COL19A1: variants seen among roughly 807,000 people sequenced by gnomAD.
COL19A1 encodes the protein collagen alpha-1(XIX) chain.
A neutral mutation model predicts 190.2 loss-of-function variants in COL19A1; 159 were observed. That is an observed-to-expected ratio of 0.84 (90% confidence interval 0.73 to 0.95). COL19A1 has a LOEUF of 0.95. COL19A1 is among the 40% of genes least tolerant of loss of function. The pLI is 0.00. For synonymous variants in COL19A1, 509 were observed against 458.9 expected (o/e 1.11, Z -1.39); for missense variants, 1,418 against 1,431.9 (o/e 0.99, Z 0.16).
At position 70,032,017 on chromosome 6, in the gene COL19A1, T is replaced by C. The variant is rs1779102374; in HGVS notation, c.1081-2228T>C. ...GGGGAATTGCAATAAGGGAGACAGA[T>C]CAGGTTCAACTCTAACTACAACAAG... On this transcript the variant is annotated intron_variant, in intron 12 of 50. Coordinates refer to ENST00000620364, the MANE Select transcript of COL19A1 (RefSeq NM_001858.6). Among the ~76,000 whole-genome samples, 10 of 152,260 alleles carry C rather than the reference T, an allele frequency of 6.6e-5. No individual in the cohort carries two copies. In the South Asian group the frequency reaches 2.1e-3, roughly 32 times the overall value.
At chr6:69,924,139 C>G (rs1365177565) in intron 4 of COL19A1, among the ~76,000 whole-genome samples, 1 of 152,168 alleles carries the variant, frequency 6.6e-6, no homozygotes, top group South Asian at 2.1e-4. Context: ...TTCTAGGGTA[C>G]ATGTGCACAA....
Position 69,927,948 on chromosome 6 carries a change from A to C in COL19A1, c.306A>C (p.Val102=). The C allele has an allele frequency of 6.2e-7, 1 of 1,613,448 alleles. No individual in the cohort carries two copies. Among genetic ancestry groups the C allele is most frequent in the South Asian group, 1.1e-5 (1 of 91,062 alleles). The change falls in exon 5 of 51, where the codon GTA becomes GTC. Residue 102 remains valine (V), a synonymous_variant. Coordinates refer to ENST00000620364, the MANE Select transcript of COL19A1 (RefSeq NM_001858.6). ...AAGGCCTTCCTGAGGAGTACTCAGT[A>C]GCTGCCATGTTTCGAGTACGAAGAA... ...FPKGLPEEYS[V]AAMFRVRRNA... is the part of the protein sequence containing the mutation.
rs142780919 is a variant in COL19A1, at chr6:69,909,355, G to A, written c.266+9017G>A. On this transcript the variant is annotated intron_variant, in intron 4 of 50. Transcript: ENST00000620364. ...GTGTGTGATATCTCTCCTCTTAGGG[G>A]CAAGAAATGAAGACAGACTTAATTA... Among the ~76,000 whole-genome samples, 5 of 152,188 alleles carry A rather than the reference G, an allele frequency of 3.3e-5. No individual in the cohort carries two copies. The East Asian group carries it at 9.6e-4, about 29-fold the overall frequency.
intron 25 of COL19A1, among the ~76,000 whole-genome samples, chr6:70,145,802 C>T: frequency 6.7e-6 from 1 of 148,636 alleles, no homozygotes; most frequent in Non-Finnish European, 1.5e-5. Flanking sequence ...ATCACTGCAG[C>T]CTCCACCTCC....
rs1766396748 is a variant in COL19A1 at position 70,184,700 on chromosome 6, T to C, written c.2776-3T>C. ...GAAATATTAATCCTTTTTTTCTTTA[T>C]AGGGAATAAATGGAAAAGATGGAAT... On this transcript the variant is annotated splice_region_variant and splice_polypyrimidine_tract_variant and intron_variant, in intron 44 of 50. Coordinates refer to ENST00000620364, the MANE Select transcript of COL19A1 (RefSeq NM_001858.6). 3 of 1,591,108 alleles carry C rather than the reference T, an allele frequency of 1.9e-6. No individual in the cohort carries two copies. The highest frequency in any genetic ancestry group is 2.6e-6 in the Non-Finnish European group (3 of 1,163,832).
At chr6:70,201,708 T>A (rs1226636473) in intron 49 of COL19A1, among the ~76,000 whole-genome samples, 2 of 152,176 alleles carry the variant, frequency 1.3e-5, no homozygotes, top group African/African-American at 4.8e-5. Flanking sequence ...TAGCAAAAAA[T>A]AAATAAAAAT....
intron 10 of COL19A1, among the ~76,000 whole-genome samples, chr6:69,961,237 G>C (rs1189752916): frequency 6.6e-6 from 1 of 152,108 alleles, no homozygotes; most frequent in African/African-American, 2.4e-5. Flanking sequence ...CTTTTAAAAA[G>C]ATATGCACTT....
intron 15 of COL19A1, among the ~76,000 whole-genome samples, chr6:70,078,347 A>G (rs2150160557): frequency 6.6e-6 from 1 of 152,346 alleles, no homozygotes; most frequent in Middle Eastern, 3.4e-3. Context: ...TGTATAAGCG[A>G]TTTACAGAAG....
Position 70,199,635 on chromosome 6 carries a change from T to G in COL19A1, c.3122T>G (p.Leu1041Arg), listed in dbSNP as rs1767422951. 1 of 1,604,772 alleles carries G rather than the reference T, an allele frequency of 6.2e-7. No individual in the cohort carries two copies. Among genetic ancestry groups the G allele is most frequent in the Non-Finnish European group, 8.5e-7 (1 of 1,174,428 alleles). The change falls in exon 49 of 51, where the codon CTC becomes CGC. Residue 1041 changes from leucine (L) to arginine (R), a missense_variant. Leu to Arg is a moderately radical substitution (Grantham distance 102, BLOSUM62 -2). Coordinates refer to ENST00000620364, the MANE Select transcript of COL19A1 (RefSeq NM_001858.6). Reference sequence around the variant, plus strand: ...AGGATGGCTGTATTCCTATCCCAGCTCAAGCTGCCAGCAGCAATGTTGGCT... The same window carrying G: ...AGGATGGCTGTATTCCTATCCCAGCGCAAGCTGCCAGCAGCAATGTTGGCT... ...EERMAVFLSQLKLPAAMLAAQ... is the reference protein window; with the variant it reads ...EERMAVFLSQRKLPAAMLAAQ...
Position 70,212,340 on chromosome 6 carries a change from T to C in COL19A1, c.*5066T>C, listed in dbSNP as rs1440317635. ...TTGAATATACTCATGTTAAGTGCAA[T>C]GGCATTAGTTTTATTCAAAATCCCA... On this transcript the variant is annotated 3_prime_UTR_variant, in exon 51 of 51. Coordinates refer to ENST00000620364, the MANE Select transcript of COL19A1 (RefSeq NM_001858.6). Among the ~76,000 whole-genome samples, 1 of 152,224 alleles carries C rather than the reference T, an allele frequency of 6.6e-6. No homozygotes were observed. The highest frequency in any genetic ancestry group is 1.9e-4 in the East Asian group (1 of 5,202).
rs1023631363 is a variant in COL19A1 at position 70,140,855 on chromosome 6, A to G, written c.1447-99A>G. ...GGGTATTTTTGGAGGTCTGTTTGCA[A>G]TGGGAATCTGAGTTTGGCCTATAGG... is the stretch of plus-strand genomic sequence containing the variant. On this transcript the variant is annotated intron_variant, in intron 19 of 50. Transcript: ENST00000620364. 20 of 1,072,246 alleles carry G rather than the reference A, an allele frequency of 1.9e-5. No individual in the cohort carries two copies. The Middle Eastern group carries it at 1.2e-3, about 64-fold the overall frequency. The allele number at this position is 1,072,246 out of a possible 1,614,324, so 66.4% of individuals were successfully genotyped here.
At chr6:70,159,345 G>T (rs1266341988) in intron 34 of COL19A1, among the ~76,000 whole-genome samples, 1 of 151,688 alleles carries the variant, frequency 6.6e-6, no homozygotes, top group Non-Finnish European at 1.5e-5. Context: ...AATGTTAGGG[G>T]AATAAAAAGA....
chr6:69,921,277 C>G (rs1582402413), intron 4 of COL19A1, among the ~76,000 whole-genome samples: 1 of 124,226 alleles, frequency 8.0e-6, no homozygotes, highest in Non-Finnish European at 1.6e-5. Context: ...TCATATATAT[C>G]ATATATCATA....
intron 41 of COL19A1, among the ~76,000 whole-genome samples, chr6:70,176,004 G>A (rs1232537886): frequency 6.6e-6 from 1 of 152,164 alleles, no homozygotes; most frequent in Non-Finnish European, 1.5e-5. Flanking sequence ...TTAAAAAGGA[G>A]TTGAGTCACT....
chr6:69,971,709 G>A (rs1005286021), intron 11 of COL19A1, among the ~76,000 whole-genome samples: 1 of 152,088 alleles, frequency 6.6e-6, no homozygotes, highest in Admixed American at 6.6e-5. Flanking sequence ...CTAAGACAAA[G>A]GTGTAACTGC....
intron 34 of COL19A1, among the ~76,000 whole-genome samples, chr6:70,159,147 CA>C (rs3840404): frequency 0.026 from 3,504 of 135,134 alleles, 102 homozygotes; most frequent in East Asian, 0.16. Flanking sequence ...CTAAAAGTAG[CA>C]AAAAAAAAAA....
intron 11 of COL19A1, among the ~76,000 whole-genome samples, chr6:70,009,065 G>A (rs1482327473): frequency 1.3e-5 from 2 of 151,884 alleles, no homozygotes; most frequent in East Asian, 1.9e-4. Flanking sequence ...TCACTTAATG[G>A]TGAAAGACTG....
rs569339313 is a variant in COL19A1 at position 69,874,608 on chromosome 6, G to A, written c.-32-4928G>A. On this transcript the variant is annotated intron_variant, in intron 1 of 50. Coordinates refer to ENST00000620364, the MANE Select transcript of COL19A1 (RefSeq NM_001858.6). ...CTACTAAAAATACAAAAAATTAGCC[G>A]GGCATGGTGGTGGGTGCCTGTAGTC... is the stretch of plus-strand genomic sequence containing the variant. 2.9e-4 allele frequency among the ~76,000 whole-genome samples: 44 copies of A among 152,098 alleles called. No homozygotes were observed. In the East Asian group the frequency reaches 6.2e-3, roughly 21 times the overall value.
intron 48 of COL19A1, among the ~76,000 whole-genome samples, chr6:70,192,366 A>G (rs1429659576): frequency 6.6e-6 from 1 of 152,082 alleles, no homozygotes; most frequent in Non-Finnish European, 1.5e-5. Flanking sequence ...ATGACAGTTT[A>G]CTAATACATT....
Sources: allele counts gnomAD v4.1 joint callset (sites outside exome capture counted in the v4.1 genomes callset), GRCh38; gene constraint gnomAD v4.1.1; transcripts MANE v1.5; gene names NCBI Gene and HGNC (gene_info 2026-07-23, HGNC 2026-07-21).